Variants in PAQR3 observed in about 807,000 individuals in gnomAD.
PAQR3 encodes the protein progestin and adipoQ receptor family member 3, also known as Raf kinase trapping to Golgi.
In PAQR3, 39 loss-of-function variants were observed where a neutral mutation model predicts 41.7. That is an observed-to-expected ratio of 0.93 (90% confidence interval 0.72 to 1.22). PAQR3 has a LOEUF of 1.22. Ranked by LOEUF, PAQR3 falls within the 50% of genes most tolerant of loss-of-function variation. The pLI is 0.00. For synonymous variants in PAQR3, 140 were observed against 140.6 expected, an observed-to-expected ratio of 1.00 and a Z score of 0.03; for missense variants, 366 against 385.6, an observed-to-expected ratio of 0.95 and a Z score of 0.42.
At chr4:78,899,938 A>G (rs890489028) in intron 11 of PAQR3, among the ~76,000 whole-genome samples, 1 of 152,190 alleles carries the variant, frequency 6.6e-6, no homozygotes, top group Non-Finnish European at 1.5e-5. Flanking sequence ...TAGATTTTAT[A>G]TGGGCAAGAC....
Position 78,925,213 on chromosome 4 carries a change from T to TA in PAQR3, c.703-1267_703-1266insT, listed in dbSNP as rs1736071524. On this transcript the variant is annotated intron_variant, in intron 4 of 5. Coordinates refer to ENST00000512733, the MANE Select transcript of PAQR3 (RefSeq NM_001040202.2). ...CCCTTTTTCTTAATTTCTCTAAAAT[T>TA]CACTGACTTAATGGGTCTTATTCTT... 3.9e-5 allele frequency among the ~76,000 whole-genome samples: 6 copies of TA among 152,326 alleles called. No individual in the cohort carries two copies. The South Asian group carries it at 1.2e-3, about 32-fold the overall frequency.
At chr4:78,900,809 C>T (rs7691825) in intron 11 of PAQR3, among the ~76,000 whole-genome samples, 25,100 of 152,092 alleles carry the variant, frequency 0.17, 4,156 homozygotes, top group African/African-American at 0.43. Flanking sequence ...GATCCATTTA[C>T]GCAAAAATCA....
At chr4:78,887,189 G>C in exon 13 of PAQR3, 3 of 1,606,872 alleles carry the variant, frequency 1.9e-6, no homozygotes, top group African/African-American at 2.7e-5. Flanking sequence ...CTCGAGGAGA[G>C]AGCATCCTCA....
chr4:78,905,027 A>G (rs562353666), intron 11 of PAQR3, among the ~76,000 whole-genome samples: 1 of 151,966 alleles, frequency 6.6e-6, no homozygotes. Context: ...TATGTGGAAT[A>G]TATGAATGTA....
In PAQR3 at chr4:78,939,361, C is replaced by T; in HGVS notation, c.-137G>A. 1.4e-6 allele frequency: 1 copy of T among 707,202 alleles called. No homozygotes were observed. The highest frequency in any genetic ancestry group is 2.0e-6 in the Non-Finnish European group (1 of 499,746). 43.8% of individuals were successfully genotyped at this position (707,202 alleles called of 1,614,324 possible). On this transcript the variant is annotated 5_prime_UTR_variant, in exon 1 of 6. Coordinates refer to ENST00000512733, the MANE Select transcript of PAQR3 (RefSeq NM_001040202.2). ...AGGTCCTACCGCGCTGCCGCTGCTG[C>T]CCAGGGCCCGGCTCTGCGCTCACAC...
At chr4:78,892,985 G>A (rs1733521548) in intron 11 of PAQR3, among the ~76,000 whole-genome samples, 1 of 152,134 alleles carries the variant, frequency 6.6e-6, no homozygotes, top group Non-Finnish European at 1.5e-5. Context: ...ATAAGACAAT[G>A]ATTAAGTTTG....
chr4:78,903,136 G>A (rs1177055747), intron 11 of PAQR3, among the ~76,000 whole-genome samples: 1 of 151,892 alleles, frequency 6.6e-6, no homozygotes, highest in Non-Finnish European at 1.5e-5. Flanking sequence ...CTTGCTGAAT[G>A]AATTCATTAT....
intron 5 of PAQR3, chr4:78,922,389 C>T (rs1442632770): frequency 1.6e-6 from 2 of 1,288,788 alleles, no homozygotes; most frequent in Non-Finnish European, 2.0e-6. Context: ...ACGAGTGGTA[C>T]AATCCCTTCT....
downstream of PAQR3, chr4:78,911,377 A>T (rs1162438777): frequency 1.9e-6 from 3 of 1,613,996 alleles, no homozygotes; most frequent in Non-Finnish European, 1.7e-6. Context: ...CCTCACATCA[A>T]CAAGTAAAAG....
intron 1 of PAQR3, 110 bp from the exon 2 acceptor site, chr4:78,935,393 C>A (rs550107005): frequency 5.1e-6 from 4 of 784,634 alleles, no homozygotes; most frequent in Non-Finnish European, 3.9e-6. Flanking sequence ...CCTTTAAGCT[C>A]TTACCCCACC....
At position 78,929,908 on chromosome 4, in the gene PAQR3, T is replaced by G. The variant is rs773757447; in HGVS notation, c.504+262A>C. Among the ~76,000 whole-genome samples the G allele has an allele frequency of 9.9e-4, 151 of 152,284 alleles. 1 individual carries two copies. The highest frequency in any genetic ancestry group is 4.3e-3 in the Admixed American group (65 of 15,286). ...AGCCATATAGATTTAGTGAAAACAT[T>G]AATAATTTAATGTCTACATTAAGTT... is the stretch of plus-strand genomic sequence containing the variant. On this transcript the variant is annotated intron_variant, in intron 3 of 5. Coordinates refer to ENST00000512733, the MANE Select transcript of PAQR3 (RefSeq NM_001040202.2).
intron 11 of PAQR3, among the ~76,000 whole-genome samples, chr4:78,894,766 T>A (rs534220798): frequency 6.6e-6 from 1 of 152,356 alleles, no homozygotes; most frequent in Admixed American, 6.5e-5. Context: ...TTGACCTATC[T>A]CAGCTTTCAG....
At chr4:78,926,805 C>A in intron 3 of PAQR3, 87 bp from the exon 4 acceptor site, 1 of 1,164,456 alleles carries the variant, frequency 8.6e-7, no homozygotes. Context: ...CTACAAATTC[C>A]AAAGTCTATT....
intron 11 of PAQR3, among the ~76,000 whole-genome samples, chr4:78,899,776 A>G (rs977748203): frequency 2.6e-5 from 4 of 152,196 alleles, no homozygotes; most frequent in Non-Finnish European, 4.4e-5. Context: ...TATCTTGGCA[A>G]AAATAATGCG....
intron 11 of PAQR3, among the ~76,000 whole-genome samples, chr4:78,889,334 A>C (rs1277957831): frequency 1.3e-5 from 2 of 152,042 alleles, no homozygotes; most frequent in Admixed American, 1.3e-4. Flanking sequence ...AAAAGTATAT[A>C]GACTGGAATA....
At position 78,917,252 on chromosome 4, in the gene PAQR3, A is replaced by G. The variant is rs992840720; in HGVS notation, c.*3287T>C. On this transcript the variant is annotated 3_prime_UTR_variant, in exon 6 of 6. Transcript: ENST00000512733. ...AAAGCTTGAGCTTGTATTTGTTGTTACATATTAAATGAGATAGTTCAGATG... is the reference window on the plus strand; with the variant it reads ...AAAGCTTGAGCTTGTATTTGTTGTTGCATATTAAATGAGATAGTTCAGATG... The G allele has an allele frequency of 6.6e-6, 1 of 151,992 alleles. No individual in the cohort carries two copies. Among genetic ancestry groups the G allele is most frequent in the African/African-American group, 2.4e-5 (1 of 41,426 alleles). The allele number at this position is 151,992 out of a possible 1,614,324, so 9.4% of individuals were successfully genotyped here.
chr4:78,935,266 T>TGTTTACTGTC lies in PAQR3; in HGVS notation c.202_203insGACAGTAAAC (p.Asn68ArgfsTer3). On this transcript the variant is annotated stop_gained and frameshift_variant, in exon 2 of 6. Coordinates refer to ENST00000512733, the MANE Select transcript of PAQR3 (RefSeq NM_001040202.2). LOFTEE classifies it high-confidence loss of function. ...ATGACTCCAGATGTTTACTGTCTCA[T>TGTTTACTGTC]TAGATAAAATAAACAAACTGGAAAA... The TGTTTACTGTC allele has an allele frequency of 6.2e-7, 1 of 1,609,230 alleles. No individual in the cohort carries two copies. Among genetic ancestry groups the TGTTTACTGTC allele is most frequent in the Non-Finnish European group, 8.5e-7 (1 of 1,178,822 alleles).
intron 11 of PAQR3, among the ~76,000 whole-genome samples, chr4:78,895,447 T>G (rs2033061): frequency 6.6e-6 from 1 of 152,024 alleles, no homozygotes; most frequent in African/African-American, 2.4e-5. Flanking sequence ...GTGTTTTGAT[T>G]AAAGGTTGAA....
chr4:78,909,586 A>G (rs1333144548), downstream of PAQR3, among the ~76,000 whole-genome samples: 1 of 152,048 alleles, frequency 6.6e-6, no homozygotes, highest in East Asian at 1.9e-4. Flanking sequence ...CCCCTTAAAT[A>G]TGTCTTTATA....
Sources: allele counts gnomAD v4.1 joint callset (sites outside exome capture counted in the v4.1 genomes callset), GRCh38; gene constraint gnomAD v4.1.1; transcripts MANE v1.5; gene names NCBI Gene and HGNC (gene_info 2026-07-23, HGNC 2026-07-21).